Variants in XRN2 observed in about 807,000 individuals in gnomAD.
XRN2 encodes DHM1-like protein.
A neutral mutation model predicts 138.5 loss-of-function variants in XRN2; 44 were observed. The observed-to-expected ratio is 0.32, with a 90% CI of 0.25 to 0.41. The LOEUF (loss-of-function observed/expected upper bound fraction) is 0.41. Ranked by LOEUF, XRN2 falls within the 10% of genes least tolerant of loss-of-function variation. The pLI, the probability that XRN2 is intolerant of heterozygous loss-of-function variation, is 1.00. For missense variants in XRN2, 937 were observed against 1,169.3 expected, an observed-to-expected ratio of 0.80 and a Z score of 2.90; for synonymous variants, 354 against 369.4, an observed-to-expected ratio of 0.96 and a Z score of 0.48.
At chr20:21,372,956 G>C (rs2038779428) in intron 27 of XRN2, among the ~76,000 whole-genome samples, 1 of 151,840 alleles carries the variant, frequency 6.6e-6, no homozygotes, top group South Asian at 2.1e-4. Context: ...CTTTTTTTCA[G>C]TCTTTGTTTC....
intron 22 of XRN2, 146 bp downstream of exon 22, chr20:21,356,323 C>G: frequency 1.5e-6 from 1 of 654,382 alleles, no homozygotes; most frequent in East Asian, 2.9e-5. Context: ...ACCATTAGCA[C>G]TTTTTCAGAA....
chr20:21,341,075 G>A (rs549770097), intron 15 of XRN2, among the ~76,000 whole-genome samples: 11 of 152,146 alleles, frequency 7.2e-5, no homozygotes, highest in Non-Finnish European at 7.3e-5. Flanking sequence ...TGATACATGC[G>A]AATATAAAGA....
chr20:21,303,347 CTT>C lies in XRN2; in HGVS notation c.-50_-49del, dbSNP rs1274331461. 46 of 1,538,296 alleles carry C rather than the reference CTT, an allele frequency of 3.0e-5. No homozygotes were observed. The East Asian group carries it at 1.1e-3, about 36-fold the overall frequency. On this transcript the variant is annotated 5_prime_UTR_variant, in exon 1 of 30. Transcript: ENST00000377191. Reference sequence around the variant, plus strand: ...GTGCCCTCTGCCGCTGCTCCCGTCTCTTTGGTTACGCTCGTCAGCCGGTCGGC... The same window carrying C: ...GTGCCCTCTGCCGCTGCTCCCGTCTCTGGTTACGCTCGTCAGCCGGTCGGC...
intron 1 of XRN2, among the ~76,000 whole-genome samples, chr20:21,322,142 G>A (rs1458362725): frequency 6.6e-6 from 1 of 152,142 alleles, no homozygotes; most frequent in Non-Finnish European, 1.5e-5. Context: ...TTGTTGTGAG[G>A]ATAGAATGGA....
chr20:21,351,526 T>C (rs1179787163), intron 20 of XRN2, among the ~76,000 whole-genome samples: 1 of 152,240 alleles, frequency 6.6e-6, no homozygotes, highest in Non-Finnish European at 1.5e-5. Context: ...ATGTATTTTC[T>C]CTTATTCTGT....
At chr20:21,328,428 T>C in intron 3 of XRN2, 131 bp from the exon 4 acceptor site, 1 of 878,302 alleles carries the variant, frequency 1.1e-6, no homozygotes, top group African/African-American at 1.7e-5. Context: ...ATGAAAGGAT[T>C]ATTAGACACA....
chr20:21,319,392 G>A (rs1327153), intron 1 of XRN2, among the ~76,000 whole-genome samples: 103,116 of 151,970 alleles, frequency 0.68, 35,710 homozygotes, highest in South Asian at 0.84. Flanking sequence ...TGTAATTATT[G>A]ATAGAGTTAC....
intron 29 of XRN2, among the ~76,000 whole-genome samples, chr20:21,387,739 T>C (rs1175416845): frequency 6.6e-6 from 1 of 152,186 alleles, no homozygotes; most frequent in Non-Finnish European, 1.5e-5. Context: ...TTCAGAGTAA[T>C]GTGTATGGAG....
intron 24 of XRN2, among the ~76,000 whole-genome samples, chr20:21,358,070 G>A (rs1356426676): frequency 6.6e-6 from 1 of 152,166 alleles, no homozygotes; most frequent in African/African-American, 2.4e-5. Flanking sequence ...GAGGTAAAGA[G>A]TAGGAGTATC....
chr20:21,333,702 A>G lies in XRN2; in HGVS notation c.934-2A>G. The G allele has an allele frequency of 6.2e-7, 1 of 1,614,044 alleles. No homozygotes were observed. The highest frequency in any genetic ancestry group is 8.5e-7 in the Non-Finnish European group (1 of 1,179,972). ...AATGGCAGCATTCCTTTTTGGTTGTAGTATTTGGAAAGAGAACTCACAATG... is the reference window on the plus strand; with the variant it reads ...AATGGCAGCATTCCTTTTTGGTTGTGGTATTTGGAAAGAGAACTCACAATG... On this transcript the variant is annotated splice_acceptor_variant, in intron 10 of 29. Coordinates refer to ENST00000377191, the MANE Select transcript of XRN2 (RefSeq NM_012255.5). LOFTEE classifies it high-confidence loss of function.
chr20:21,364,941 C>A (rs1025412281), intron 24 of XRN2, among the ~76,000 whole-genome samples: 1 of 152,070 alleles, frequency 6.6e-6, no homozygotes, highest in South Asian at 2.1e-4. Flanking sequence ...GTCCATCCCC[C>A]CCGCACCATA....
At position 21,346,666 on chromosome 20, in the gene XRN2, C is replaced by T. The variant is rs1292887847; in HGVS notation, c.1665+116C>T. On this transcript the variant is annotated intron_variant, in intron 17 of 29. Coordinates refer to ENST00000377191, the MANE Select transcript of XRN2 (RefSeq NM_012255.5). ...ACGGAGTCTTGCCCTGTCACCTGGG[C>T]GGGAGGGCAATGGCGTGATCTCAAC... 18 of 1,311,786 alleles carry T rather than the reference C, an allele frequency of 1.4e-5. No individual in the cohort carries two copies. In the South Asian group the frequency reaches 1.4e-4, roughly 11 times the overall value. 81.3% of individuals were successfully genotyped at this position (1,311,786 alleles called of 1,614,324 possible).
intron 26 of XRN2, among the ~76,000 whole-genome samples, chr20:21,366,186 A>C (rs1963133101): frequency 7.8e-6 from 1 of 127,744 alleles, no homozygotes; most frequent in African/African-American, 3.0e-5. Flanking sequence ...ATAAATATAT[A>C]TTATATTTAT....
At chr20:21,331,715 A>G (rs565931787) in intron 7 of XRN2, 53 bp from the exon 8 acceptor site, 2 of 1,589,718 alleles carry the variant, frequency 1.3e-6, no homozygotes, top group South Asian at 1.1e-5. Flanking sequence ...ATGAAGTGAT[A>G]TTCTTGTGGT....
intron 7 of XRN2, 57 bp from the exon 8 acceptor site, chr20:21,331,711 T>C: frequency 6.3e-7 from 1 of 1,590,312 alleles, no homozygotes. Context: ...TGGTATGAAG[T>C]GATATTCTTG....
chr20:21,334,058 A>G lies in XRN2; in HGVS notation c.1126-20A>G, dbSNP rs766919169. On this transcript the variant is annotated intron_variant, in intron 12 of 29. Coordinates refer to ENST00000377191, the MANE Select transcript of XRN2 (RefSeq NM_012255.5). Reference sequence around the variant, plus strand: ...TGCTTTTATAAGAAGATCATTTTACATATATTTTATCACTTACAGGGTTAC... The same window carrying G: ...TGCTTTTATAAGAAGATCATTTTACGTATATTTTATCACTTACAGGGTTAC... The G allele has an allele frequency of 3.1e-6, 5 of 1,613,726 alleles. No homozygotes were observed. Among genetic ancestry groups the G allele is most frequent in the African/African-American group, 1.3e-5 (1 of 74,924 alleles).
intron 1 of XRN2, among the ~76,000 whole-genome samples, chr20:21,308,619 A>C (rs1251667645): frequency 1.3e-5 from 2 of 152,202 alleles, no homozygotes; most frequent in Non-Finnish European, 2.9e-5. Context: ...CTTTCTGTAT[A>C]TCATCACGGG....
At chr20:21,334,440 A>G (rs2038258274) in intron 13 of XRN2, among the ~76,000 whole-genome samples, 1 of 152,170 alleles carries the variant, frequency 6.6e-6, no homozygotes, top group Admixed American at 6.5e-5. Flanking sequence ...TATAAATCCA[A>G]ACACATTTCT....
In XRN2 at chr20:21,340,782, A is replaced by G; in HGVS notation, c.1340A>G (p.Asn447Ser). 6.2e-7 allele frequency: 1 copy of G among 1,614,034 alleles called. No individual in the cohort carries two copies. The highest frequency in any genetic ancestry group is 8.5e-7 in the Non-Finnish European group (1 of 1,179,924). Residue 447 changes from asparagine to serine, a missense_variant, in exon 15 of 30, where the codon AAT becomes AGT. This residue lies in a region of XRN2 where 471 missense variants were observed against 581.2 expected (regional missense o/e 0.81). Coordinates refer to ENST00000377191, the MANE Select transcript of XRN2 (RefSeq NM_012255.5). Reference sequence around the variant, plus strand: ...ACTCCTCATGCCTTGGGTTCAAGAAATTCACCAGGTTCTCAAGTAGCCAGT... The same window carrying G: ...ACTCCTCATGCCTTGGGTTCAAGAAGTTCACCAGGTTCTCAAGTAGCCAGT... ...ILTPHALGSR[N>S]SPGSQVASNP...
Sources: allele counts gnomAD v4.1 joint callset (sites outside exome capture counted in the v4.1 genomes callset), GRCh38; gene constraint gnomAD v4.1.1; regional missense constraint gnomAD v4.1.1; transcripts MANE v1.5; gene names NCBI Gene and HGNC (gene_info 2026-07-23, HGNC 2026-07-21).